ZNF410: variants seen among roughly 807,000 people sequenced by gnomAD.
The protein encoded by ZNF410 is zinc finger protein 410.
A neutral mutation model predicts 54.8 loss-of-function variants in ZNF410; 18 were observed. The ratio of observed to expected loss-of-function variants is 0.33; its 90% CI spans 0.23 to 0.49. The LOEUF is 0.49. ZNF410 is among the 20% of genes least tolerant of loss of function. ZNF410 has a pLI of 0.99. For missense variants in ZNF410, 405 were observed against 569.6 expected (o/e 0.71, Z 2.94); for synonymous variants, 191 against 207.3 (o/e 0.92, Z 0.68).
chr14:73,927,832 A>ATTT (rs11461357), intron 11 of ZNF410: 8,907 of 143,412 alleles, frequency 0.062, 414 homozygotes, highest in African/African-American at 0.13. Flanking sequence ...TCAACCGGCA[A>ATTT]TTTTTTTTTT....
intron 11 of ZNF410, chr14:73,924,653 G>A (rs574472223): frequency 1.0e-4 from 46 of 442,676 alleles, no homozygotes; most frequent in Non-Finnish European, 1.6e-4. Context: ...TTTTTATGGT[G>A]CTCTTCCGTC....
intron 11 of ZNF410, among the ~76,000 whole-genome samples, chr14:73,926,380 C>CTT (rs34301902): frequency 0.49 from 73,795 of 150,962 alleles, 18,217 homozygotes; most frequent in South Asian, 0.61. Context: ...TATAATAGTC[C>CTT]TTTTTTTTCA....
At position 73,926,627 on chromosome 14, in the gene ZNF410, CTTTTACCA is replaced by C. The variant is rs554887473; in HGVS notation, c.1398+3107_1398+3114del. Among the ~76,000 whole-genome samples the C allele has an allele frequency of 7.2e-4, 109 of 152,060 alleles. 1 individual carries two copies. Among genetic ancestry groups the C allele is most frequent in the African/African-American group, 2.6e-3 (106 of 41,496 alleles). On this transcript the variant is annotated intron_variant, in intron 11 of 11. Transcript: ENST00000555044. ...TTTTTGTATTTTTAGTAGAGACGGGCTTTTACCATGTTGGCCAGGCTGGTCCCAAACTC... is the reference window on the plus strand; with the variant it reads ...TTTTTGTATTTTTAGTAGAGACGGGCTGTTGGCCAGGCTGGTCCCAAACTC...
At chr14:73,919,915 A>G (rs1005397415) in intron 8 of ZNF410, among the ~76,000 whole-genome samples, 13 of 44,538 alleles carry the variant, frequency 2.9e-4, no homozygotes, top group Non-Finnish European at 5.7e-4. Context: ...TTTTTTTGCT[A>G]TGCAGGACTA....
chr14:73,902,756 T>G lies in ZNF410; in HGVS notation c.581-1204T>G, dbSNP rs1029781348. ...ATGTTCAAGTATTTCTTGAAGAAAG[T>G]GAAAGAAAAGGACCACCACCTGCTA... On this transcript the variant is annotated intron_variant, in intron 5 of 11. Coordinates refer to ENST00000555044, the MANE Select transcript of ZNF410 (RefSeq NM_021188.3). Among the ~76,000 whole-genome samples the G allele has an allele frequency of 2.6e-5, 4 of 152,182 alleles. 1 individual carries two copies. The highest frequency in any genetic ancestry group is 6.5e-5 in the Admixed American group (1 of 15,272).
Position 73,904,098 on chromosome 14 carries a change from T to TCAAGACTC in ZNF410, c.720_727dup (p.His243ProfsTer27). On this transcript the variant is annotated frameshift_variant, in exon 6 of 12. Transcript: ENST00000555044. LOFTEE classifies it high-confidence loss of function. The stretch of plus-strand genomic sequence containing the variant: ...TGGCCAGCTCACTTTAAATACCACC[T>TCAAGACTC]CAAGACTCATCGGTGAGCAAATCCG... 1 of 1,613,380 alleles carries TCAAGACTC rather than the reference T, an allele frequency of 6.2e-7. No homozygotes were observed. Among genetic ancestry groups the TCAAGACTC allele is most frequent in the Non-Finnish European group, 8.5e-7 (1 of 1,179,670 alleles).
At chr14:73,894,774 G>T (rs2055287963) in intron 3 of ZNF410, among the ~76,000 whole-genome samples, 1 of 152,154 alleles carries the variant, frequency 6.6e-6, no homozygotes, top group Admixed American at 6.6e-5. Context: ...GAAGGAAAAA[G>T]AGAAGGCGGT....
Position 73,893,806 on chromosome 14 carries a change from C to A in ZNF410, c.43C>A (p.Gln15Lys), listed in dbSNP as rs1457577732. The change falls in exon 3 of 12, where the codon CAG becomes AAG. Residue 15 changes from glutamine to lysine, a missense_variant. Gln to Lys is a moderately conservative substitution (Grantham distance 53). Coordinates refer to ENST00000555044, the MANE Select transcript of ZNF410 (RefSeq NM_021188.3). ...ELESKPELLVQFVQNTSIPLG... is the reference protein window; with the variant it reads ...ELESKPELLVKFVQNTSIPLG... ...TCTTTTCTCCCCCCAGCTCCTGGTA[C>A]AGTTTGTTCAGAATACGTCCATCCC... 1 of 1,604,970 alleles carries A rather than the reference C, an allele frequency of 6.2e-7. No homozygotes were observed. The highest frequency in any genetic ancestry group is 8.5e-7 in the Non-Finnish European group (1 of 1,177,680).
At chr14:73,920,924 A>G in intron 8 of ZNF410, 56 bp from the exon 9 acceptor site, 1 of 1,606,856 alleles carries the variant, frequency 6.2e-7, no homozygotes, top group Non-Finnish European at 8.5e-7. Context: ...CTAGGTCTTG[A>G]GTTCATTCTC....
intron 2 of ZNF410, chr14:73,893,510 C>T (rs913866427): frequency 4.4e-5 from 12 of 274,250 alleles, no homozygotes; most frequent in South Asian, 2.1e-4. Context: ...CATATCTAAA[C>T]GTGGAAAAAG....
intron 3 of ZNF410, chr14:73,894,262 G>A (rs2055276145): frequency 1.4e-6 from 1 of 691,720 alleles, no homozygotes; most frequent in Admixed American, 2.1e-5. Flanking sequence ...CATCAGCAGA[G>A]TGGAGGCATG....
chr14:73,909,020 A>G (rs2055535347), intron 7 of ZNF410, among the ~76,000 whole-genome samples: 1 of 152,202 alleles, frequency 6.6e-6, no homozygotes, highest in Admixed American at 6.5e-5. Context: ...GACAGCATAT[A>G]CAGTATTAAT....
intron 2 of ZNF410, among the ~76,000 whole-genome samples, chr14:73,892,417 T>C (rs1235465007): frequency 6.6e-6 from 1 of 151,886 alleles, no homozygotes; most frequent in African/African-American, 2.4e-5. Flanking sequence ...TTTTTCAGTA[T>C]ATGTGAAATC....
intron 7 of ZNF410, among the ~76,000 whole-genome samples, chr14:73,905,968 C>CACATATATATATAT (rs1461702433): frequency 8.9e-5 from 7 of 78,936 alleles, no homozygotes; most frequent in African/African-American, 1.7e-4. Context: ...CACACACACA[C>CACATATATATATAT]ATATATATAT....
intron 8 of ZNF410, among the ~76,000 whole-genome samples, chr14:73,910,777 T>C (rs1458573187): frequency 8.9e-6 from 1 of 112,276 alleles, no homozygotes; most frequent in Admixed American, 9.2e-5. Context: ...AAAAAAAGCA[T>C]GGTAGTTTCA....
chr14:73,915,068 G>T (rs1337637815), intron 8 of ZNF410, among the ~76,000 whole-genome samples: 4 of 149,954 alleles, frequency 2.7e-5, no homozygotes, highest in African/African-American at 9.8e-5. Flanking sequence ...TTCTAGACCA[G>T]CCTGGCCAAC....
intron 11 of ZNF410, among the ~76,000 whole-genome samples, chr14:73,925,523 G>C (rs1377931197): frequency 6.6e-6 from 1 of 151,984 alleles, no homozygotes; most frequent in Non-Finnish European, 1.5e-5. Context: ...CGCCTCTCAG[G>C]TTCAAGCAAT....
Position 73,922,132 on chromosome 14 carries a change from T to C in ZNF410, c.1196T>C (p.Met399Thr). ...GTACCCAGTAAAAACCTGGTGTCTA[T>C]GAATTCCCAGCCCAGCCTTGGTGGA... ...ASVPSKNLVS[M>T]NSQPSLGGES... Residue 399 changes from methionine (M) to threonine (T), a missense_variant, in exon 10 of 12, where the codon ATG becomes ACG. Coordinates refer to ENST00000555044, the MANE Select transcript of ZNF410 (RefSeq NM_021188.3). The C allele has an allele frequency of 6.2e-7, 1 of 1,614,186 alleles. No individual in the cohort carries two copies. The highest frequency in any genetic ancestry group is 2.2e-5 in the East Asian group (1 of 44,874).
At chr14:73,912,469 C>T (rs2055598571) in intron 8 of ZNF410, among the ~76,000 whole-genome samples, 1 of 152,124 alleles carries the variant, frequency 6.6e-6, no homozygotes, top group Non-Finnish European at 1.5e-5. Context: ...ACCCAGCCAA[C>T]CTTTCACCTT....
Sources: gnomAD v4.1 joint callset for allele counts (sites outside exome capture counted in the v4.1 genomes callset) on GRCh38, gnomAD v4.1.1 for gene constraint, MANE v1.5 for transcripts, NCBI Gene and HGNC (gene_info 2026-07-23, HGNC 2026-07-21) for gene names.